NAV3: variants seen among roughly 807,000 people sequenced by gnomAD.
The protein encoded by NAV3 is neuron navigator 3, also known as pore membrane and/or filament interacting like protein 1.
Under a neutral mutation model 244.7 loss-of-function variants are expected in NAV3, and 87 were observed. The ratio of observed to expected loss-of-function variants is 0.36; its 90% CI spans 0.30 to 0.42. The LOEUF (loss-of-function observed/expected upper bound fraction) is 0.42. Among genes scored for constraint, NAV3 ranks in the 20% least tolerant of loss-of-function variants. NAV3 has a pLI of 1.00. For missense variants in NAV3, 2,663 were observed against 2,893.3 expected, an observed-to-expected ratio of 0.92 and a Z score of 1.83; for synonymous variants, 1,126 against 1,042.2, an observed-to-expected ratio of 1.08 and a Z score of -1.55.
intron 2 of NAV3, among the ~76,000 whole-genome samples, chr12:77,655,606 C>T (rs1220315945): frequency 7.9e-5 from 12 of 151,998 alleles, no homozygotes; most frequent in Middle Eastern, 3.4e-3. Context: ...ATACAGAGAA[C>T]GCCACAAAGA....
chr12:77,928,258 G>C (rs1888427959), intron 1 of NAV3, among the ~76,000 whole-genome samples: 1 of 148,836 alleles, frequency 6.7e-6, no homozygotes, highest in Non-Finnish European at 1.5e-5. Flanking sequence ...GAGAGGGAAG[G>C]AAAATGCTGA....
chr12:77,591,299 T>C (rs751796430), intron 2 of NAV3, among the ~76,000 whole-genome samples: 46 of 152,244 alleles, frequency 3.0e-4, no homozygotes, highest in Non-Finnish European at 4.9e-4. Context: ...ATTCATCTGT[T>C]TTATTTACTT....
rs201697173 is a variant in NAV3, at chr12:78,050,992, A to G, written c.2361A>G (p.Arg787=). The G allele has an allele frequency of 1.4e-5, 23 of 1,613,982 alleles. No homozygotes were observed. The highest frequency in any genetic ancestry group is 1.9e-5 in the Non-Finnish European group (23 of 1,180,044). The part of the protein sequence containing the change: ...SRFMYTTPLR[R]AAVSRLGNMS... ...TCATGTATACCACGCCTCTCCGTCG[A>G]GCTGCTGTCTCTAGGCTGGGAAACA... The change falls in exon 11 of 40, where the codon CGA becomes CGG. Residue 787 remains arginine, a synonymous_variant. Transcript: ENST00000397909.
At chr12:77,723,885 G>A (rs886837229) in intron 2 of NAV3, among the ~76,000 whole-genome samples, 2 of 143,556 alleles carry the variant, frequency 1.4e-5, no homozygotes, top group African/African-American at 5.1e-5. Flanking sequence ...CCTTTTTCAT[G>A]TTGAATTGCT....
At chr12:78,047,581 T>C (rs890340706) in intron 9 of NAV3, among the ~76,000 whole-genome samples, 4 of 152,208 alleles carry the variant, frequency 2.6e-5, no homozygotes, top group Non-Finnish European at 4.4e-5. Context: ...AGATCCACTG[T>C]TAGTCTGATG....
chr12:78,148,342 T>G (rs2139215630), intron 21 of NAV3, among the ~76,000 whole-genome samples: 1 of 152,132 alleles, frequency 6.6e-6, no homozygotes, highest in Admixed American at 6.6e-5. Context: ...TTTTAGTGAT[T>G]GCAGGATATT....
chr12:77,696,219 T>C (rs539590631), intron 2 of NAV3, among the ~76,000 whole-genome samples: 1 of 152,166 alleles, frequency 6.6e-6, no homozygotes. Flanking sequence ...CCTAGTGATT[T>C]GCTTATAACC....
At chr12:77,679,095 T>G (rs1283219597) in intron 2 of NAV3, among the ~76,000 whole-genome samples, 2 of 152,230 alleles carry the variant, frequency 1.3e-5, no homozygotes, top group Admixed American at 1.3e-4. Flanking sequence ...TTAGTTACTA[T>G]GCAATGTTAA....
intron 9 of NAV3, among the ~76,000 whole-genome samples, chr12:78,049,123 A>T (rs1423783864): frequency 6.6e-6 from 1 of 152,176 alleles, no homozygotes; most frequent in Non-Finnish European, 1.5e-5. Flanking sequence ...GGCAATGAGA[A>T]TTTCAAGCCA....
intron 2 of NAV3, among the ~76,000 whole-genome samples, chr12:77,627,946 T>C (rs963970262): frequency 1.3e-5 from 2 of 152,172 alleles, no homozygotes; most frequent in Non-Finnish European, 1.5e-5. Context: ...TTCTCACTCA[T>C]ATGAAGGAGC....
chr12:78,050,952 C>A lies in NAV3; in HGVS notation c.2321C>A (p.Thr774Lys), dbSNP rs2137254174. ...PRSGTSRFIH[T>K]DPSRFMYTTP... is the part of the protein sequence containing the mutation. The stretch of plus-strand genomic sequence containing the variant: ...AGTGGTACCAGTCGATTCATCCACA[C>A]AGACCCCTCGAGGTTCATGTATACC... Residue 774 changes from threonine (T) to lysine (K), a missense_variant, in exon 11 of 40, where the codon ACA becomes AAA. Thr to Lys is a moderately conservative substitution (Grantham distance 78). Transcript: ENST00000397909. The A allele has an allele frequency of 6.2e-7, 1 of 1,614,106 alleles. No individual in the cohort carries two copies. The highest frequency in any genetic ancestry group is 8.5e-7 in the Non-Finnish European group (1 of 1,180,028).
rs555193062 is a variant in NAV3 at position 77,715,372 on chromosome 12, A to G, written c.72+143106A>G. ...ACTATGCTTTCTATGTCTTTTTTGT[A>G]TTATATCTCTCTTATTTGCATTGCT... On this transcript the variant is annotated intron_variant, in intron 2 of 8. Transcript: ENST00000550042. 4.0e-5 allele frequency among the ~76,000 whole-genome samples: 6 copies of G among 151,012 alleles called. No homozygotes were observed. In the South Asian group the frequency reaches 1.2e-3, roughly 31 times the overall value.
Position 78,118,091 on chromosome 12 carries a change from A to G in NAV3, c.2834A>G (p.Lys945Arg), listed in dbSNP as rs2138565509. ...ACCTGGGATAGTCCTGAGGAACTGAAAAAACCAGAAGAAGATTTTGACAGC... is the reference window on the plus strand; with the variant it reads ...ACCTGGGATAGTCCTGAGGAACTGAGAAAACCAGAAGAAGATTTTGACAGC... ...DETWDSPEEL[K>R]KPEEDFDSHG... Residue 945 changes from lysine (K) to arginine (R), a missense_variant, in exon 14 of 40, where the codon AAA becomes AGA. Coordinates refer to ENST00000397909, the MANE Select transcript of NAV3 (RefSeq NM_001024383.2). 2 of 1,614,116 alleles carry G rather than the reference A, an allele frequency of 1.2e-6. No homozygotes were observed. Among genetic ancestry groups the G allele is most frequent in the Non-Finnish European group, 1.7e-6 (2 of 1,180,016 alleles).
chr12:77,575,216 T>C (rs1025379714), intron 2 of NAV3, among the ~76,000 whole-genome samples: 2 of 152,078 alleles, frequency 1.3e-5, no homozygotes, highest in Non-Finnish European at 2.9e-5. Flanking sequence ...CCACAAATTC[T>C]ATCTGAAGTA....
Position 77,875,366 on chromosome 12 carries a change from C to T in NAV3, c.243+43662C>T, listed in dbSNP as rs12322264. ...TTCAAAAAGGTCTTCTCTTACCACA[C>T]TTCTCAAAAGAGCACCTCCTCACTT... On this transcript the variant is annotated intron_variant, in intron 1 of 39. Coordinates refer to ENST00000397909, the MANE Select transcript of NAV3 (RefSeq NM_001024383.2). Among the ~76,000 whole-genome samples, 853 of 152,168 alleles carry T rather than the reference C, an allele frequency of 5.6e-3. 11 individuals carry two copies. The highest frequency in any genetic ancestry group is 0.019 in the African/African-American group (788 of 41,536).
chr12:77,822,118 G>C (rs1253976914), intron 2 of NAV3, among the ~76,000 whole-genome samples: 1 of 151,968 alleles, frequency 6.6e-6, no homozygotes, highest in Admixed American at 6.6e-5. Context: ...TATACTTTAT[G>C]GTTAAGAGAC....
rs369544204 is a variant in NAV3 at position 78,068,944 on chromosome 12, G to C, written c.2636+9829G>C. Among the ~76,000 whole-genome samples the C allele has an allele frequency of 2.7e-4, 41 of 150,436 alleles. No individual in the cohort carries two copies. The East Asian group carries it at 3.7e-3, about 14-fold the overall frequency. On this transcript the variant is annotated intron_variant, in intron 12 of 39. Coordinates refer to ENST00000397909, the MANE Select transcript of NAV3 (RefSeq NM_001024383.2). ...GTTATATCTATACATGAAACACTTC[G>C]TTATTTTGCCTTCAAGAACTAGGCA...
chr12:77,713,512 G>A (rs921694546), intron 2 of NAV3, among the ~76,000 whole-genome samples: 1 of 152,144 alleles, frequency 6.6e-6, no homozygotes, highest in Admixed American at 6.6e-5. Context: ...TTAAGTGAAA[G>A]TGAATGAATT....
Position 78,210,544 on chromosome 12 carries a change from C to A in NAV3, c.*27C>A, listed in dbSNP as rs369402660. On this transcript the variant is annotated 3_prime_UTR_variant, in exon 40 of 40. Coordinates refer to ENST00000397909, the MANE Select transcript of NAV3 (RefSeq NM_001024383.2). ...GGGTGAAAAAAGTTAAGGGAAAAGA[C>A]TTTGCTTTTAAAAAAATGTTTCAAA... 1 of 1,601,268 alleles carries A rather than the reference C, an allele frequency of 6.2e-7. No individual in the cohort carries two copies. The highest frequency in any genetic ancestry group is 1.4e-5 in the African/African-American group (1 of 73,958).
Sources: allele counts gnomAD v4.1 joint callset (sites outside exome capture counted in the v4.1 genomes callset), GRCh38; gene constraint gnomAD v4.1.1; transcripts MANE v1.5; gene names NCBI Gene and HGNC (gene_info 2026-07-23, HGNC 2026-07-21).